Variants in SELENOF observed in about 807,000 individuals in gnomAD.
The protein encoded by SELENOF is selenoprotein F.
In SELENOF, 16 loss-of-function variants were observed where a neutral mutation model predicts 20.5. The observed-to-expected ratio is 0.78, with a 90% CI of 0.53 to 1.19. SELENOF has a LOEUF of 1.19. SELENOF is among the 50% of genes most tolerant of loss of function. The probability of loss-of-function intolerance (pLI) is 0.00; values close to 1 mark genes in which losing one functional copy is unlikely to be tolerated. For synonymous variants in SELENOF, 78 were observed against 74.5 expected, an observed-to-expected ratio of 1.05 and a Z score of -0.24; for missense variants, 215 against 194.2, an observed-to-expected ratio of 1.11 and a Z score of -0.64.
rs1557462402 is a variant in SELENOF at position 86,887,210 on chromosome 1, G to A, written c.253-6485C>T. 9 of 1,531,880 alleles carry A rather than the reference G, an allele frequency of 5.9e-6. No individual in the cohort carries two copies. In the South Asian group the frequency reaches 9.9e-5, roughly 17 times the overall value. The allele number at this position is 1,531,880 out of a possible 1,614,324, so 94.9% of individuals were successfully genotyped here. A position where few individuals can be genotyped will look rare whatever the true frequency, so the allele number is the denominator to read the frequency against. On this transcript the variant is annotated intron_variant, in intron 2 of 4. Coordinates refer to ENST00000331835, the MANE Select transcript of SELENOF (RefSeq NM_004261.5). ...AATGGATGAATACTGAGGATTAGGG[G>A]AAAAAAAATCAGCGTTATAATTTTA...
chr1:86,868,181 A>G, intron 3 of SELENOF, 79 bp from the exon 4 acceptor site: 1 of 683,144 alleles, frequency 1.5e-6, no homozygotes, highest in Admixed American at 2.7e-5. Flanking sequence ...AAAAGTGGAA[A>G]TAAACAACAA....
Position 86,863,498 on chromosome 1 carries a change from C to T in SELENOF, c.474G>A (p.Leu158=). ...TTTATATGCGTTCCAACTTTTCACTCAGGAATTCTTCTACACTGTCTGTGT... is the reference window on the plus strand; with the variant it reads ...TTTATATGCGTTCCAACTTTTCACTTAGGAATTCTTCTACACTGTCTGTGT... ...KWNTDSVEEF[L]SEKLERI Residue 158 remains leucine (L), a synonymous_variant, in exon 5 of 5, where the codon CTG becomes CTA. Coordinates refer to ENST00000331835, the MANE Select transcript of SELENOF (RefSeq NM_004261.5). 1.2e-6 allele frequency: 2 copies of T among 1,612,302 alleles called. No homozygotes were observed. The highest frequency in any genetic ancestry group is 8.5e-7 in the Non-Finnish European group (1 of 1,179,324).
intron 3 of SELENOF, among the ~76,000 whole-genome samples, chr1:86,875,186 A>G (rs1167175463): frequency 6.6e-6 from 1 of 151,998 alleles, no homozygotes; most frequent in Non-Finnish European, 1.5e-5. Flanking sequence ...GGTTGCAGTG[A>G]GCCGAGATCA....
chr1:86,889,089 C>G lies in SELENOF; in HGVS notation c.253-8364G>C, dbSNP rs559988466. ...GATACAAAAATAAAGCTATAATAATCCAAGAGTTTCAATATTATACAAAAT... is the reference window on the plus strand; with the variant it reads ...GATACAAAAATAAAGCTATAATAATGCAAGAGTTTCAATATTATACAAAAT... On this transcript the variant is annotated intron_variant, in intron 2 of 4. Coordinates refer to ENST00000331835, the MANE Select transcript of SELENOF (RefSeq NM_004261.5). 1.9e-3 allele frequency among the ~76,000 whole-genome samples: 283 copies of G among 152,054 alleles called. 1 individual carries two copies. Among genetic ancestry groups the G allele is most frequent in the African/African-American group, 6.5e-3 (268 of 41,464 alleles).
intron 3 of SELENOF, among the ~76,000 whole-genome samples, chr1:86,872,110 C>A (rs1428090369): frequency 6.6e-6 from 1 of 152,020 alleles, no homozygotes; most frequent in African/African-American, 2.4e-5. Flanking sequence ...AATAATTTTA[C>A]AAAAGAAAGG....
chr1:86,911,190 C>T (rs968096030), intron 1 of SELENOF, among the ~76,000 whole-genome samples: 4 of 152,176 alleles, frequency 2.6e-5, no homozygotes, highest in African/African-American at 9.7e-5. Flanking sequence ...TTAATCCAAA[C>T]TTGAGGGATA....
intron 2 of SELENOF, among the ~76,000 whole-genome samples, chr1:86,882,494 T>TAAAA (rs77238406): frequency 2.3e-5 from 3 of 130,182 alleles, no homozygotes; most frequent in Non-Finnish European, 5.0e-5. Flanking sequence ...TAGCTATTAT[T>TAAAA]AAAAAAAAAA....
In SELENOF at chr1:86,893,300, C is replaced by A. The variant is rs472653; in HGVS notation, c.252+9981G>T. On this transcript the variant is annotated intron_variant, in intron 2 of 4. Coordinates refer to ENST00000331835, the MANE Select transcript of SELENOF (RefSeq NM_004261.5). ...GCTCAATCACAAAGTCAGTAAGAAGCTGAGATGAAAATTAAACTCTCGGCT... is the reference window on the plus strand; with the variant it reads ...GCTCAATCACAAAGTCAGTAAGAAGATGAGATGAAAATTAAACTCTCGGCT... Among the ~76,000 whole-genome samples, 3 of 152,040 alleles carry A rather than the reference C, an allele frequency of 2.0e-5. No individual in the cohort carries two copies. The East Asian group carries it at 5.8e-4, about 29-fold the overall frequency.
chr1:86,893,479 G>A (rs936577339), intron 2 of SELENOF, among the ~76,000 whole-genome samples: 8 of 151,124 alleles, frequency 5.3e-5, no homozygotes, highest in Admixed American at 1.3e-4. Flanking sequence ...ATAGCCGGGC[G>A]TGGTGGTGCA....
chr1:86,879,624 C>G (rs879429870), intron 3 of SELENOF, among the ~76,000 whole-genome samples: 1 of 151,842 alleles, frequency 6.6e-6, no homozygotes, highest in Non-Finnish European at 1.5e-5. Flanking sequence ...CAGCAAAAAT[C>G]GAGGTAGAAT....
intron 2 of SELENOF, among the ~76,000 whole-genome samples, chr1:86,890,870 G>A (rs1659366014): frequency 6.6e-6 from 1 of 151,920 alleles, no homozygotes; most frequent in African/African-American, 2.4e-5. Flanking sequence ...GATTAATATG[G>A]TTGTATCTAT....
At position 86,864,851 on chromosome 1, in the gene SELENOF, C is replaced by T. The variant is rs559161626; in HGVS notation, c.367-1246G>A. On this transcript the variant is annotated intron_variant, in intron 4 of 4. Transcript: ENST00000331835. The stretch of plus-strand genomic sequence containing the variant: ...GTTTCACCATGTTGGCCAGGTTGGT[C>T]TCGAACTCCTGACCTCAGGTTATCT... Among the ~76,000 whole-genome samples the T allele has an allele frequency of 3.3e-5, 5 of 152,122 alleles. No individual in the cohort carries two copies. In the East Asian group the frequency reaches 9.7e-4, roughly 29 times the overall value.
intron 2 of SELENOF, among the ~76,000 whole-genome samples, chr1:86,891,791 C>A (rs371195558): frequency 7.6e-4 from 115 of 151,780 alleles, no homozygotes; most frequent in Non-Finnish European, 1.0e-3. Flanking sequence ...GACTCAACTA[C>A]GAAATAAAGA....
chr1:86,868,155 C>A (rs929523792), intron 3 of SELENOF, 53 bp from the exon 4 acceptor site: 3 of 829,632 alleles, frequency 3.6e-6, no homozygotes, highest in African/African-American at 1.8e-5. Context: ...TCCAAGCTAG[C>A]TAAAAAGATT....
chr1:86,900,069 T>C (rs1659649816), intron 2 of SELENOF, among the ~76,000 whole-genome samples: 7 of 144,720 alleles, frequency 4.8e-5, no homozygotes, highest in African/African-American at 1.3e-4. Flanking sequence ...CTAGATGGGA[T>C]GGCGGCCGGG....
rs931755179 is a variant in SELENOF at position 86,883,110 on chromosome 1, G to A, written c.253-2385C>T. On this transcript the variant is annotated intron_variant, in intron 2 of 4. Coordinates refer to ENST00000331835, the MANE Select transcript of SELENOF (RefSeq NM_004261.5). ...TACTGCACTCAAACCTGGGGGACAA[G>A]AGCGAGACTTGTCTCAAAAAAAAAA... Among the ~76,000 whole-genome samples, 4 of 144,908 alleles carry A rather than the reference G, an allele frequency of 2.8e-5. No individual in the cohort carries two copies. The South Asian group carries it at 8.6e-4, about 31-fold the overall frequency.
intron 2 of SELENOF, among the ~76,000 whole-genome samples, chr1:86,900,525 C>T (rs975888046): frequency 3.3e-5 from 5 of 152,032 alleles, no homozygotes; most frequent in African/African-American, 9.7e-5. Context: ...TGCAGTGAGC[C>T]GAGATGGCAG....
At chr1:86,881,843 T>G (rs1659078123) in intron 2 of SELENOF, among the ~76,000 whole-genome samples, 1 of 152,180 alleles carries the variant, frequency 6.6e-6, no homozygotes, top group Non-Finnish European at 1.5e-5. Flanking sequence ...AATTTCGCTT[T>G]AATGCAGGCT....
rs113049012 is a variant in SELENOF at position 86,878,549 on chromosome 1, G to A, written c.316+2113C>T. ...AAAAATAAATTAGCTGGGTGTGGTG[G>A]CGTGCGCCTGTAGTCCCAGCTACTC... On this transcript the variant is annotated intron_variant, in intron 3 of 4. Coordinates refer to ENST00000331835, the MANE Select transcript of SELENOF (RefSeq NM_004261.5). Among the ~76,000 whole-genome samples the A allele has an allele frequency of 5.3e-5, 8 of 152,328 alleles. 1 individual carries two copies. Among genetic ancestry groups the A allele is most frequent in the African/African-American group, 1.7e-4 (7 of 41,580 alleles).
Sources: gnomAD v4.1 joint callset for allele counts (sites outside exome capture counted in the v4.1 genomes callset) on GRCh38, gnomAD v4.1.1 for gene constraint, MANE v1.5 for transcripts, NCBI Gene and HGNC (gene_info 2026-07-23, HGNC 2026-07-21) for gene names.